The following AGBL1 variants were observed in gnomAD, a reference collection of about 807,000 sequenced individuals.
AGBL1 encodes AGBL carboxypeptidase 1, also known as cytosolic carboxypeptidase 4.
In AGBL1, 130 loss-of-function variants were observed where a neutral mutation model predicts 118.9. The observed-to-expected ratio is 1.09, with a 90% CI of 0.95 to 1.26. The LOEUF is 1.26. AGBL1 is among the 50% of genes most tolerant of loss of function. The pLI is 0.00. For missense variants in AGBL1, 1,584 were observed against 1,298.1 expected (o/e 1.22, Z -3.38); for synonymous variants, 555 against 478.9 (o/e 1.16, Z -2.08).
At chr15:86,669,123 T>A (rs552759188) in intron 21 of AGBL1, among the ~76,000 whole-genome samples, 82 of 152,302 alleles carry the variant, frequency 5.4e-4, no homozygotes, top group African/African-American at 1.8e-3. Context: ...TTTAGCATTT[T>A]AAAAATTATA....
At chr15:86,811,929 T>A (rs1323305217) in intron 22 of AGBL1, among the ~76,000 whole-genome samples, 1 of 152,206 alleles carries the variant, frequency 6.6e-6, no homozygotes, top group Non-Finnish European at 1.5e-5. Context: ...CAAAGTGCAT[T>A]CTAAGGCTCA....
intron 23 of AGBL1, among the ~76,000 whole-genome samples, chr15:86,939,243 C>T (rs920491992): frequency 1.3e-5 from 2 of 152,080 alleles, no homozygotes; most frequent in Non-Finnish European, 2.9e-5. Context: ...GGATGGGCAC[C>T]GTCTAATCAG....
intron 21 of AGBL1, among the ~76,000 whole-genome samples, chr15:86,640,831 T>A (rs1244210703): frequency 6.6e-6 from 1 of 152,146 alleles, no homozygotes; most frequent in Non-Finnish European, 1.5e-5. Context: ...CCAGTTTACA[T>A]CCTTCCAAGA....
At chr15:86,966,357 G>A (rs1211705821) in intron 23 of AGBL1, among the ~76,000 whole-genome samples, 1 of 150,610 alleles carries the variant, frequency 6.6e-6, no homozygotes, top group Admixed American at 6.6e-5. Flanking sequence ...TAAGTTTTGG[G>A]GTACATGGGC....
At chr15:86,890,865 T>C (rs571627584) in intron 22 of AGBL1, among the ~76,000 whole-genome samples, 1 of 152,312 alleles carries the variant, frequency 6.6e-6, no homozygotes, top group South Asian at 2.1e-4. Flanking sequence ...TTATCTTTGC[T>C]ATGCAGGCTC....
At chr15:86,471,697 G>T (rs1205853449) in intron 18 of AGBL1, among the ~76,000 whole-genome samples, 2 of 151,482 alleles carry the variant, frequency 1.3e-5, no homozygotes, top group African/African-American at 4.9e-5. Flanking sequence ...CCCTCTTTAG[G>T]GCATTCCAGT....
intron 22 of AGBL1, among the ~76,000 whole-genome samples, chr15:86,771,170 G>C (rs1206137643): frequency 6.6e-6 from 1 of 152,014 alleles, no homozygotes; most frequent in Non-Finnish European, 1.5e-5. Flanking sequence ...CAGAGACTAA[G>C]TTGTTATGAC....
intron 23 of AGBL1, among the ~76,000 whole-genome samples, chr15:86,976,642 A>T (rs2141714241): frequency 6.6e-6 from 1 of 152,166 alleles, no homozygotes; most frequent in South Asian, 2.1e-4. Flanking sequence ...AAGCTCTCTT[A>T]CACTAGTGAG....
intron 11 of AGBL1, among the ~76,000 whole-genome samples, 183 bp from the exon 12 acceptor site, chr15:86,266,191 G>C (rs1279375267): frequency 6.6e-6 from 1 of 152,070 alleles, no homozygotes; most frequent in Non-Finnish European, 1.5e-5. Context: ...TTTTGATAGA[G>C]GCAGAGAAAG....
At chr15:86,409,244 A>G (rs2081577367) in intron 18 of AGBL1, among the ~76,000 whole-genome samples, 1 of 152,182 alleles carries the variant, frequency 6.6e-6, no homozygotes, top group Non-Finnish European at 1.5e-5. Flanking sequence ...AACCACAGAC[A>G]TAGTATGGAC....
chr15:86,859,971 C>T lies in AGBL1; in HGVS notation c.3159-47116C>T, dbSNP rs2079538189. Among the ~76,000 whole-genome samples the T allele has an allele frequency of 2.0e-5, 3 of 152,188 alleles. 1 individual carries two copies. The highest frequency in any genetic ancestry group is 2.0e-4 in the Admixed American group (3 of 15,272). On this transcript the variant is annotated intron_variant, in intron 22 of 22. Coordinates refer to ENST00000614907, the MANE Select transcript of AGBL1 (RefSeq NM_001386094.1). ...AGGATTGTTAGCCAGAGGATTAAATCTGAAGTTGAAACTAGTTGAACATGT... is the reference window on the plus strand; with the variant it reads ...AGGATTGTTAGCCAGAGGATTAAATTTGAAGTTGAAACTAGTTGAACATGT...
At position 86,093,004 on chromosome 15, in the gene AGBL1, C is replaced by T. The variant is rs535145392; in HGVS notation, c.51+12981C>T. 2.3e-3 allele frequency among the ~76,000 whole-genome samples: 350 copies of T among 152,114 alleles called. 15 individuals carry two copies. The South Asian group carries it at 0.067, about 29-fold the overall frequency. ...AAACACATTCAAATAATAGCAGCTT[C>T]GGAAGTATTTACTGTTTTGGAAGGT... On this transcript the variant is annotated intron_variant, in intron 1 of 22. Transcript: ENST00000614907.
chr15:86,542,131 A>C (rs950799169), intron 19 of AGBL1, among the ~76,000 whole-genome samples: 12 of 152,188 alleles, frequency 7.9e-5, no homozygotes, highest in African/African-American at 2.7e-4. Flanking sequence ...AATAGTCTAC[A>C]TTTAGTAAGG....
intron 22 of AGBL1, among the ~76,000 whole-genome samples, chr15:86,698,408 C>T (rs2086299056): frequency 6.6e-6 from 1 of 151,900 alleles, no homozygotes; most frequent in Non-Finnish European, 1.5e-5. Context: ...AACACTTTGC[C>T]TCAGTACGAA....
chr15:87,001,896 A>G (rs917026092), intron 24 of AGBL1, among the ~76,000 whole-genome samples: 1 of 152,180 alleles, frequency 6.6e-6, no homozygotes. Flanking sequence ...TCAGATGACT[A>G]GGTTGCAAAA....
intron 18 of AGBL1, among the ~76,000 whole-genome samples, chr15:86,500,827 C>A (rs926320725): frequency 1.3e-5 from 2 of 151,748 alleles, no homozygotes; most frequent in Non-Finnish European, 3.0e-5. Flanking sequence ...GAATGCATCA[C>A]TATTTTGTTT....
chr15:86,633,343 A>AT (rs953367105), intron 21 of AGBL1, among the ~76,000 whole-genome samples: 2 of 151,926 alleles, frequency 1.3e-5, no homozygotes, highest in Admixed American at 6.6e-5. Flanking sequence ...TGCACCATGA[A>AT]TTTTTTTTAT....
chr15:86,771,017 G>T (rs141173710), intron 22 of AGBL1, among the ~76,000 whole-genome samples: 1 of 151,996 alleles, frequency 6.6e-6, no homozygotes, highest in East Asian at 1.9e-4. Context: ...ACTCGTAAAG[G>T]CATCCAATGT....
intron 22 of AGBL1, among the ~76,000 whole-genome samples, chr15:86,852,753 G>C (rs1008139965): frequency 2.6e-5 from 4 of 152,140 alleles, no homozygotes; most frequent in Non-Finnish European, 5.9e-5. Flanking sequence ...CAGGGAAGAG[G>C]AATGAGGCAG....
Sources: gnomAD v4.1 joint callset for allele counts (sites outside exome capture counted in the v4.1 genomes callset) on GRCh38, gnomAD v4.1.1 for gene constraint, MANE v1.5 for transcripts, NCBI Gene and HGNC (gene_info 2026-07-23, HGNC 2026-07-21) for gene names.